The following COL11A1 variants were observed in gnomAD, a reference collection of about 807,000 sequenced individuals.
COL11A1 encodes collagen type XI alpha 1 chain.
In COL11A1, 74 loss-of-function variants were observed where a neutral mutation model predicts 265.2. The ratio of observed to expected loss-of-function variants is 0.28; its 90% confidence interval spans 0.23 to 0.34. COL11A1 has a LOEUF of 0.34. Ranked by LOEUF, COL11A1 falls within the 10% of genes least tolerant of loss-of-function variation. The pLI, the probability that COL11A1 is intolerant of heterozygous loss-of-function variation, is 1.00. For missense variants in COL11A1, 2,165 were observed against 2,263.6 expected (o/e 0.96, Z 0.88); for synonymous variants, 816 against 727.6 (o/e 1.12, Z -1.96).
At chr1:103,082,356 G>T (rs1672482265) in intron 2 of COL11A1, among the ~76,000 whole-genome samples, 1 of 151,924 alleles carries the variant, frequency 6.6e-6, no homozygotes, top group African/African-American at 2.4e-5. Context: ...AGGAAAACAT[G>T]CACTAAGTAT....
chr1:102,880,833 GA>G (rs1383647993), intron 65 of COL11A1, among the ~76,000 whole-genome samples: 1 of 151,728 alleles, frequency 6.6e-6, no homozygotes, highest in Non-Finnish European at 1.5e-5. Context: ...GGGGGTTGAA[GA>G]AAAAAATCTA....
At chr1:103,100,519 T>G (rs1416828945) in intron 1 of COL11A1, 1 of 152,538 alleles carries the variant, frequency 6.6e-6, no homozygotes, top group African/African-American at 2.4e-5. Flanking sequence ...CCACTGAACT[T>G]AAGTGCAGGC....
chr1:103,009,776 G>A (rs1038089787), intron 14 of COL11A1, among the ~76,000 whole-genome samples: 2 of 151,928 alleles, frequency 1.3e-5, no homozygotes, highest in African/African-American at 4.8e-5. Context: ...AAATATTAAC[G>A]ATGCCCACAA....
At chr1:103,106,348 A>G (rs564175597) in intron 1 of COL11A1, among the ~76,000 whole-genome samples, 1 of 152,208 alleles carries the variant, frequency 6.6e-6, no homozygotes, top group African/African-American at 2.4e-5. Flanking sequence ...CCATTACAAT[A>G]TTCTCATTTA....
chr1:103,031,389 CT>C, intron 4 of COL11A1, 145 bp from the exon 5 acceptor site: 2 of 1,011,026 alleles, frequency 2.0e-6, no homozygotes, highest in Non-Finnish European at 2.9e-6. Context: ...TAAGAAGAGT[CT>C]TATAGGATTG....
intron 66 of COL11A1, among the ~76,000 whole-genome samples, chr1:102,878,473 C>CATATATATATATATATATATATA: frequency 1.1e-4 from 1 of 9,344 alleles, no homozygotes; most frequent in Admixed American, 1.7e-3. Context: ...GTATTGAATC[C>CATATATATATATATATATATATA]TCATATATAT....
chr1:102,986,854 A>T lies in COL11A1; in HGVS notation c.2502+779T>A, dbSNP rs977706486. Among the ~76,000 whole-genome samples the T allele has an allele frequency of 8.5e-5, 13 of 152,312 alleles. 1 individual carries two copies. In the East Asian group the frequency reaches 2.5e-3, roughly 29 times the overall value. ...CTCTCAAACAATGAATATGATAATT[A>T]TCTGGGGATGTTTTAAAACATATTG... is the stretch of plus-strand genomic sequence containing the variant. On this transcript the variant is annotated intron_variant, in intron 30 of 66. Coordinates refer to ENST00000370096, the MANE Select transcript of COL11A1 (RefSeq NM_001854.4).
At chr1:102,986,677 T>C (rs1468657930) in intron 30 of COL11A1, among the ~76,000 whole-genome samples, 1 of 152,176 alleles carries the variant, frequency 6.6e-6, no homozygotes, top group Non-Finnish European at 1.5e-5. Flanking sequence ...TATAATGTAA[T>C]AACACTTGTC....
At chr1:103,017,944 C>A in intron 10 of COL11A1, 62 bp from the exon 11 acceptor site, 2 of 1,289,992 alleles carry the variant, frequency 1.6e-6, no homozygotes, top group South Asian at 1.2e-5. Context: ...TAGATGAATT[C>A]ACTCTAGTCC....
intron 3 of COL11A1, 45 bp from the exon 4 acceptor site, chr1:103,074,825 G>A (rs199850692): frequency 6.2e-7 from 1 of 1,600,978 alleles, no homozygotes; most frequent in Non-Finnish European, 8.5e-7. Flanking sequence ...AAGAAACAGT[G>A]GTTGCCAAAG....
intron 4 of COL11A1, among the ~76,000 whole-genome samples, chr1:103,046,720 A>T (rs1000187691): frequency 3.3e-5 from 5 of 151,208 alleles, no homozygotes; most frequent in African/African-American, 9.7e-5. Context: ...GTTTTCTTCT[A>T]GGGTTTTTAT....
intron 57 of COL11A1, among the ~76,000 whole-genome samples, chr1:102,890,845 TTA>T (rs1286275333): frequency 4.6e-5 from 7 of 152,210 alleles, no homozygotes; most frequent in African/African-American, 1.7e-4. Context: ...TCAAACATTT[TTA>T]TGTTACATGA....
At chr1:103,044,237 A>G (rs1479106940) in intron 4 of COL11A1, among the ~76,000 whole-genome samples, 1 of 151,842 alleles carries the variant, frequency 6.6e-6, no homozygotes, top group Non-Finnish European at 1.5e-5. Context: ...GGTAAAGGAA[A>G]GTTGCCAAAA....
At chr1:103,018,094 C>T (rs1333932947) in intron 10 of COL11A1, among the ~76,000 whole-genome samples, 1 of 152,048 alleles carries the variant, frequency 6.6e-6, no homozygotes, top group African/African-American at 2.4e-5. Context: ...GCAAACATTT[C>T]AAGGAAAAAC....
chr1:102,981,960 AG>A (rs1663081855), intron 31 of COL11A1, among the ~76,000 whole-genome samples: 1 of 151,870 alleles, frequency 6.6e-6, no homozygotes, highest in Admixed American at 6.6e-5. Context: ...ATTTCATTTT[AG>A]TAAAAAAAAA....
chr1:103,102,120 A>G (rs894517354), intron 1 of COL11A1, among the ~76,000 whole-genome samples: 5 of 152,106 alleles, frequency 3.3e-5, no homozygotes, highest in African/African-American at 9.7e-5. Flanking sequence ...TTCTGACACA[A>G]GTGAACATAT....
rs1321965694 is a variant in COL11A1 at position 102,879,808 on chromosome 1, A to T, written c.5149T>A (p.Ser1717Thr). The change falls in exon 66 of 67, where the codon TCA (serine) becomes ACA (threonine). Residue 1717 changes from serine to threonine, a missense_variant. Coordinates refer to ENST00000370096, the MANE Select transcript of COL11A1 (RefSeq NM_001854.4). Reference sequence around the variant, plus strand: ...GATGACACATCATACCAGGCTGCTGACTGATGACAGTGGTAGGTGAAATTT... The same window carrying T: ...GATGACACATCATACCAGGCTGCTGTCTGATGACAGTGGTAGGTGAAATTT... The part of the protein sequence containing the change: ...RQNFTYHCHQ[S>T]AAWYDVSSGS... 1 of 1,613,892 alleles carries T rather than the reference A, an allele frequency of 6.2e-7. No individual in the cohort carries two copies. Among genetic ancestry groups the T allele is most frequent in the African/African-American group, 1.3e-5 (1 of 74,922 alleles).
intron 46 of COL11A1, among the ~76,000 whole-genome samples, chr1:102,932,016 A>G (rs1343492268): frequency 6.7e-6 from 1 of 150,306 alleles, no homozygotes; most frequent in African/African-American, 2.5e-5. Context: ...TCCTGAATAC[A>G]GCACACTGAT....
intron 4 of COL11A1, among the ~76,000 whole-genome samples, chr1:103,056,315 G>C (rs760861573): frequency 6.6e-6 from 1 of 152,072 alleles, no homozygotes; most frequent in Non-Finnish European, 1.5e-5. Flanking sequence ...ATGTGTAACA[G>C]ACCCAAACCA....
Sources: gnomAD v4.1 joint callset for allele counts (sites outside exome capture counted in the v4.1 genomes callset) on GRCh38, gnomAD v4.1.1 for gene constraint, MANE v1.5 for transcripts, NCBI Gene and HGNC (gene_info 2026-07-23, HGNC 2026-07-21) for gene names.